The following TTC28 variants were observed in gnomAD, a reference collection of about 807,000 sequenced individuals.
The protein encoded by TTC28 is tetratricopeptide repeat protein 28.
Under a neutral mutation model 198.0 loss-of-function variants are expected in TTC28, and 61 were observed. The ratio of observed to expected loss-of-function variants is 0.31; its 90% CI spans 0.25 to 0.38. TTC28 has a LOEUF of 0.38. TTC28 is among the 10% of genes least tolerant of loss of function. TTC28 has a pLI of 1.00. For synonymous variants in TTC28, 1,171 were observed against 1,297.8 expected, an observed-to-expected ratio of 0.90 and a Z score of 2.10; for missense variants, 2,678 against 3,164.0, an observed-to-expected ratio of 0.85 and a Z score of 3.69.
At chr22:28,158,171 T>C (rs1037304865) in intron 6 of TTC28, among the ~76,000 whole-genome samples, 10 of 151,994 alleles carry the variant, frequency 6.6e-5, no homozygotes, top group Admixed American at 5.9e-4. Flanking sequence ...ACAATAGCCA[T>C]ACATAAAATT....
chr22:28,001,107 AC>A (rs1937667585), intron 15 of TTC28: 2 of 408,390 alleles, frequency 4.9e-6, no homozygotes, highest in South Asian at 6.4e-5. Context: ...GCAGCTCCGT[AC>A]CCTGATGTCA....
At chr22:28,600,184 C>T (rs997142450) in intron 2 of TTC28, among the ~76,000 whole-genome samples, 1 of 151,844 alleles carries the variant, frequency 6.6e-6, no homozygotes, top group Admixed American at 6.6e-5. Context: ...TGCTTGAATC[C>T]AGGAGTTCAA....
chr22:28,189,359 C>G (rs1924506577), intron 5 of TTC28, among the ~76,000 whole-genome samples: 1 of 151,838 alleles, frequency 6.6e-6, no homozygotes, highest in Non-Finnish European at 1.5e-5. Flanking sequence ...AATATTACTT[C>G]AAGGGAAATA....
At chr22:28,060,336 G>C (rs973939540) in intron 12 of TTC28, among the ~76,000 whole-genome samples, 1 of 152,172 alleles carries the variant, frequency 6.6e-6, no homozygotes, top group Non-Finnish European at 1.5e-5. Flanking sequence ...CTATGAATGA[G>C]AACATGCGGT....
chr22:28,130,313 A>G (rs954654843), intron 6 of TTC28, among the ~76,000 whole-genome samples: 1 of 152,204 alleles, frequency 6.6e-6, no homozygotes, highest in South Asian at 2.1e-4. Context: ...GCTCCCAAGG[A>G]AAAGCAGAAG....
rs1377332349 is a variant in TTC28, at chr22:28,052,585, A to T, written c.3933-22219T>A. ...TCCTTATGCCAAGGATACTAAAGGAAATGCTACCACAGAAAAAAAGACCAG... is the reference window on the plus strand; with the variant it reads ...TCCTTATGCCAAGGATACTAAAGGATATGCTACCACAGAAAAAAAGACCAG... On this transcript the variant is annotated intron_variant, in intron 12 of 22. Coordinates refer to ENST00000397906, the MANE Select transcript of TTC28 (RefSeq NM_001145418.2). Among the ~76,000 whole-genome samples, 3 of 152,240 alleles carry T rather than the reference A, an allele frequency of 2.0e-5. No individual in the cohort carries two copies. In the East Asian group the frequency reaches 5.8e-4, roughly 29 times the overall value.
At chr22:28,216,065 T>C (rs906711301) in intron 5 of TTC28, among the ~76,000 whole-genome samples, 1 of 152,150 alleles carries the variant, frequency 6.6e-6, no homozygotes. Context: ...TGAGACACAA[T>C]TGCCTAAATT....
chr22:28,356,253 T>C (rs1200080107), intron 2 of TTC28, among the ~76,000 whole-genome samples: 2 of 152,156 alleles, frequency 1.3e-5, no homozygotes, highest in African/African-American at 2.4e-5. Flanking sequence ...TTTGTGTCAA[T>C]TGCTGTCTAC....
At chr22:28,339,271 C>G (rs1049252911) in intron 2 of TTC28, among the ~76,000 whole-genome samples, 1 of 152,130 alleles carries the variant, frequency 6.6e-6, no homozygotes, top group African/African-American at 2.4e-5. Context: ...CAGAGGAGTA[C>G]CTGGCTGTGT....
chr22:28,013,968 T>C (rs1173773849), intron 14 of TTC28, among the ~76,000 whole-genome samples: 3 of 152,196 alleles, frequency 2.0e-5, no homozygotes, highest in Non-Finnish European at 4.4e-5. Context: ...TCACTGAGGC[T>C]GAATGTACCC....
At chr22:28,320,679 G>C (rs1789885686) in intron 2 of TTC28, among the ~76,000 whole-genome samples, 1 of 152,130 alleles carries the variant, frequency 6.6e-6, no homozygotes, top group Admixed American at 6.5e-5. Context: ...CTGAGAGCAG[G>C]TTTCCTTTAG....
chr22:28,220,402 G>A (rs1295585619), intron 5 of TTC28, among the ~76,000 whole-genome samples: 1 of 152,214 alleles, frequency 6.6e-6, no homozygotes, highest in African/African-American at 2.4e-5. Flanking sequence ...TGCAATCATG[G>A]TGTCAGCTAG....
At chr22:28,479,378 G>A (rs550289298) in intron 2 of TTC28, among the ~76,000 whole-genome samples, 36 of 152,188 alleles carry the variant, frequency 2.4e-4, no homozygotes, top group South Asian at 2.1e-3. Context: ...AACCCGTTAT[G>A]GTGACTTCCA....
In TTC28 at chr22:28,107,945, C is replaced by T; in HGVS notation, c.1900G>A (p.Gly634Arg). 1 of 1,551,680 alleles carries T rather than the reference C, an allele frequency of 6.4e-7. No individual in the cohort carries two copies. Among genetic ancestry groups the T allele is most frequent in the Non-Finnish European group, 8.7e-7 (1 of 1,147,000 alleles). Reference protein sequence around the residue: ...APDLQDMEGEGKVCHNLGYAH... With the variant: ...APDLQDMEGERKVCHNLGYAH... Reference sequence around the variant, plus strand: ...TAGCCAAGATTGTGGCAGACCTTCCCTTCTCCTTCCATGTCTTGAAGGTCG... The same window carrying T: ...TAGCCAAGATTGTGGCAGACCTTCCTTTCTCCTTCCATGTCTTGAAGGTCG... The change falls in exon 7 of 23, where the codon GGG (glycine) becomes AGG (arginine). Residue 634 changes from glycine to arginine, a missense_variant. Gly to Arg is a moderately radical substitution (Grantham distance 125, BLOSUM62 -2). Coordinates refer to ENST00000397906, the MANE Select transcript of TTC28 (RefSeq NM_001145418.2).
intron 12 of TTC28, among the ~76,000 whole-genome samples, chr22:28,053,636 T>C (rs1189196289): frequency 6.6e-6 from 1 of 152,252 alleles, no homozygotes; most frequent in African/African-American, 2.4e-5. Flanking sequence ...AACCCTGAAC[T>C]GTACCCTTTC....
rs550734188 is a variant in TTC28 at position 28,291,229 on chromosome 22, T to C, written c.933+4969A>G. Among the ~76,000 whole-genome samples the C allele has an allele frequency of 3.3e-5, 5 of 151,986 alleles. No homozygotes were observed. In the East Asian group the frequency reaches 9.7e-4, roughly 29 times the overall value. ...ACATTAAAAAAAAAGAATAATGGTA[T>C]AGGACTTCTCTAGCAAATATAATGT... is the stretch of plus-strand genomic sequence containing the variant. On this transcript the variant is annotated intron_variant, in intron 5 of 22. Coordinates refer to ENST00000397906, the MANE Select transcript of TTC28 (RefSeq NM_001145418.2).
At chr22:28,205,544 A>C (rs1007968076) in intron 5 of TTC28, among the ~76,000 whole-genome samples, 1 of 152,124 alleles carries the variant, frequency 6.6e-6, no homozygotes, top group Non-Finnish European at 1.5e-5. Context: ...GAGTGAAATG[A>C]GATTAACATA....
chr22:28,650,782 C>G (rs1252398619), intron 1 of TTC28, among the ~76,000 whole-genome samples: 1 of 152,192 alleles, frequency 6.6e-6, no homozygotes, highest in Non-Finnish European at 1.5e-5. Context: ...TCAAGGTTGT[C>G]AGGGATGATC....
chr22:28,134,355 C>A (rs898702159), intron 6 of TTC28, among the ~76,000 whole-genome samples: 1 of 152,164 alleles, frequency 6.6e-6, no homozygotes, highest in African/African-American at 2.4e-5. Context: ...CACAGCTGGA[C>A]GGAGAATGAC....
Sources: gnomAD v4.1 joint callset for allele counts (sites outside exome capture counted in the v4.1 genomes callset) on GRCh38, gnomAD v4.1.1 for gene constraint, MANE v1.5 for transcripts, NCBI Gene and HGNC (gene_info 2026-07-23, HGNC 2026-07-21) for gene names.